The following GRIA3 variants were observed in gnomAD, a reference collection of about 807,000 sequenced individuals.
The protein encoded by GRIA3 is glutamate ionotropic receptor AMPA type subunit 3, also known as glutamate receptor 3.
GRIA3 carries 3 observed loss-of-function variants against 63.0 expected under a neutral mutation model. That is an observed-to-expected ratio of 0.05 (90% CI 0.02 to 0.12). The LOEUF (loss-of-function observed/expected upper bound fraction) is 0.12. Among genes scored for constraint, GRIA3 ranks in the 10% least tolerant of loss-of-function variants. GRIA3 has a pLI of 1.00. For synonymous variants in GRIA3, 274 were observed against 257.9 expected (o/e 1.06, Z -0.60); for missense variants, 347 against 700.9 (o/e 0.50, Z 5.70).
intron 15 of GRIA3, among the ~76,000 whole-genome samples, chrX:123,485,239 T>G (rs1176589471): frequency 8.9e-6 from 1 of 112,210 alleles, no homozygotes; most frequent in Non-Finnish European, 1.9e-5. Flanking sequence ...TCTAACTTAA[T>G]TATCCCAAAT....
intron 3 of GRIA3, among the ~76,000 whole-genome samples, chrX:123,319,366 C>T (rs773021334): frequency 7.7e-4 from 86 of 112,206 alleles, no homozygotes; most frequent in African/African-American, 2.6e-3. Flanking sequence ...TTTCTCAGAA[C>T]GTATCCCCAT....
At chrX:123,184,670 G>A (rs777445077) in intron 1 of GRIA3, 26 bp downstream of exon 1, 12 of 1,043,119 alleles carry the variant, frequency 1.2e-5, no homozygotes, top group African/African-American at 1.9e-5. Flanking sequence ...CCAGCCGTCG[G>A]TCCAGGCTCT....
At chrX:123,353,106 G>A (rs1484575321) in intron 4 of GRIA3, among the ~76,000 whole-genome samples, 1 of 109,110 alleles carries the variant, frequency 9.2e-6, no homozygotes, top group Non-Finnish European at 1.9e-5. Flanking sequence ...TGACTTGAGG[G>A]CTTGTAATGC....
chrX:123,283,689 C>A (rs752521527), intron 3 of GRIA3, among the ~76,000 whole-genome samples: 144 of 112,425 alleles, frequency 1.3e-3, no homozygotes, highest in Non-Finnish European at 2.2e-3. Flanking sequence ...ACCAGACTCC[C>A]TCTCTAGATT....
At chrX:123,457,571 TC>T (rs1266073358) in intron 12 of GRIA3, among the ~76,000 whole-genome samples, 1 of 112,294 alleles carries the variant, frequency 8.9e-6, no homozygotes, top group African/African-American at 3.2e-5. Flanking sequence ...AAAAGTATCT[TC>T]CCCGACCTCT....
rs191133920 is a variant in GRIA3, at chrX:123,194,998, T to C, written c.268+9008T>C. The stretch of plus-strand genomic sequence containing the variant: ...TAAAACAGAATGCTCTTTGAGATGG[T>C]AAGTAGAGACAAAGGAATTATTTTC... On this transcript the variant is annotated intron_variant, in intron 2 of 15. Coordinates refer to ENST00000620443, the MANE Select transcript of GRIA3 (RefSeq NM_007325.5). Among the ~76,000 whole-genome samples the C allele has an allele frequency of 8.2e-4, 93 of 113,047 alleles. 1 individual carries two copies. The highest frequency in any genetic ancestry group is 3.8e-3 in the Admixed American group (41 of 10,792).
chrX:123,442,230 A>G lies in GRIA3; in HGVS notation c.2076+14091A>G, dbSNP rs1027536337. On this transcript the variant is annotated intron_variant, in intron 12 of 15. Coordinates refer to ENST00000620443, the MANE Select transcript of GRIA3 (RefSeq NM_007325.5). ...TTATCTGGAACTGCCCAAAGAGCAG[A>G]CCTATAGGGACTAGCCTATAATTTT... is the stretch of plus-strand genomic sequence containing the variant. Among the ~76,000 whole-genome samples, 4 of 112,266 alleles carry G rather than the reference A, an allele frequency of 3.6e-5. No individual in the cohort carries two copies. In the Admixed American group the frequency reaches 3.8e-4, roughly 11 times the overall value.
chrX:123,238,570 C>T (rs1221248118), intron 2 of GRIA3, among the ~76,000 whole-genome samples: 1 of 111,645 alleles, frequency 9.0e-6, no homozygotes, highest in African/African-American at 3.3e-5. Context: ...AACAATGAAA[C>T]AATACGTACC....
At chrX:123,432,904 A>G (rs1269355996) in intron 12 of GRIA3, among the ~76,000 whole-genome samples, 4 of 111,599 alleles carry the variant, frequency 3.6e-5, no homozygotes, top group South Asian at 3.8e-4. Flanking sequence ...CACAGGGGGG[A>G]AAAATGCCAC....
chrX:123,258,665 C>T (rs1249910571), intron 3 of GRIA3, among the ~76,000 whole-genome samples: 1 of 111,464 alleles, frequency 9.0e-6, no homozygotes, highest in East Asian at 2.8e-4. Flanking sequence ...TGAAAGAATC[C>T]GGCCCAGCTG....
intron 12 of GRIA3, among the ~76,000 whole-genome samples, chrX:123,444,051 C>T (rs2045690287): frequency 9.0e-6 from 1 of 111,385 alleles, no homozygotes; most frequent in Non-Finnish European, 1.9e-5. Context: ...AGAGAAAGGT[C>T]CTTAAAAATG....
chrX:123,251,779 T>C (rs774384726), intron 2 of GRIA3, among the ~76,000 whole-genome samples: 2 of 111,534 alleles, frequency 1.8e-5, no homozygotes, highest in South Asian at 7.8e-4. Flanking sequence ...TGTCTGAGGG[T>C]CACTTAGAAT....
chrX:123,345,439 A>AACACAC (rs59142587), intron 4 of GRIA3, among the ~76,000 whole-genome samples: 1,714 of 65,846 alleles, frequency 0.026, 61 homozygotes, highest in African/African-American at 0.076. Flanking sequence ...CCCCCTTCAC[A>AACACAC]ACACACACAC....
intron 5 of GRIA3, among the ~76,000 whole-genome samples, chrX:123,367,523 G>A (rs1213808217): frequency 3.7e-5 from 4 of 109,330 alleles, no homozygotes; most frequent in Non-Finnish European, 5.7e-5. Flanking sequence ...TGCAACCTCC[G>A]CCTCCTGGGT....
At chrX:123,216,987 C>T (rs1271151878) in intron 2 of GRIA3, among the ~76,000 whole-genome samples, 1 of 112,084 alleles carries the variant, frequency 8.9e-6, no homozygotes, top group Non-Finnish European at 1.9e-5. Flanking sequence ...ACATCTAACT[C>T]CTCAAATAGC....
chrX:123,349,239 A>T (rs2045076690), intron 4 of GRIA3, among the ~76,000 whole-genome samples: 1 of 112,448 alleles, frequency 8.9e-6, no homozygotes. Context: ...AAGTGTTCCC[A>T]CAAAGGTCAA....
intron 3 of GRIA3, among the ~76,000 whole-genome samples, chrX:123,263,503 C>T (rs58566367): frequency 0.018 from 1,986 of 112,071 alleles, 43 homozygotes; most frequent in African/African-American, 0.061. Flanking sequence ...TCATGTCAGG[C>T]GAGGAGGCTG....
At chrX:123,278,893 G>T (rs996589516) in intron 3 of GRIA3, among the ~76,000 whole-genome samples, 1 of 111,680 alleles carries the variant, frequency 9.0e-6, no homozygotes, top group Non-Finnish European at 1.9e-5. Context: ...GCTCAGAATT[G>T]CTTGGGCTAT....
At chrX:123,305,833 G>A (rs1451707148) in intron 3 of GRIA3, among the ~76,000 whole-genome samples, 1 of 111,928 alleles carries the variant, frequency 8.9e-6, no homozygotes, top group Non-Finnish European at 1.9e-5. Context: ...GGTACTATTC[G>A]AACCTTGGAT....
Sources: allele counts gnomAD v4.1 joint callset (sites outside exome capture counted in the v4.1 genomes callset), GRCh38; gene constraint gnomAD v4.1.1; transcripts MANE v1.5; gene names NCBI Gene and HGNC (gene_info 2026-07-23, HGNC 2026-07-21).